The following SLC26A4 variants were observed in gnomAD, a reference collection of about 807,000 sequenced individuals.
The protein encoded by SLC26A4 is solute carrier family 26 member 4.
SLC26A4 carries 93 observed loss-of-function variants against 90.4 expected under a neutral mutation model. The ratio of observed to expected loss-of-function variants is 1.03; its 90% CI spans 0.87 to 1.22. The LOEUF is 1.22. Ranked by LOEUF, SLC26A4 falls within the 50% of genes most tolerant of loss-of-function variation. The pLI is 0.00. For synonymous variants in SLC26A4, 393 were observed against 354.6 expected (o/e 1.11, Z -1.22); for missense variants, 1,127 against 946.2 (o/e 1.19, Z -2.51).
At chr7:107,669,779 A>G (rs1790815073) in intron 3 of SLC26A4, among the ~76,000 whole-genome samples, 3 of 152,230 alleles carry the variant, frequency 2.0e-5, no homozygotes, top group Admixed American at 1.3e-4. Context: ...CCTCCACTAC[A>G]AACTAGAAGT....
At chr7:107,664,589 G>A (rs1790658625) in intron 3 of SLC26A4, among the ~76,000 whole-genome samples, 1 of 152,178 alleles carries the variant, frequency 6.6e-6, no homozygotes, top group African/African-American at 2.4e-5. Context: ...AGTGAAGGGA[G>A]CTTCCTAGCC....
rs1460795967 is a variant in SLC26A4 at position 107,694,666 on chromosome 7, A to G, written c.1387A>G (p.Met463Val). Residue 463 changes from methionine to valine, a missense_variant, in exon 12 of 21, where the codon ATG becomes GTG. By Grantham distance (21) the Met-to-Val change is conservative. Transcript: ENST00000644269. ...AATTGCCAACCTGAAAGGGATGTTTATGCAGCTGTGTGACATTCCTCGTCT... is the reference window on the plus strand; with the variant it reads ...AATTGCCAACCTGAAAGGGATGTTTGTGCAGCTGTGTGACATTCCTCGTCT... ...VVIANLKGMFMQLCDIPRLWR... is the reference protein window; with the variant it reads ...VVIANLKGMFVQLCDIPRLWR... 1 of 1,613,794 alleles carries G rather than the reference A, an allele frequency of 6.2e-7. No homozygotes were observed. The highest frequency in any genetic ancestry group is 2.2e-5 in the East Asian group (1 of 44,886).
chr7:107,715,831 C>T lies in SLC26A4; in HGVS notation c.*385C>T, dbSNP rs896373629. 1 of 253,584 alleles carries T rather than the reference C, an allele frequency of 3.9e-6. No individual in the cohort carries two copies. The highest frequency in any genetic ancestry group is 2.2e-5 in the African/African-American group (1 of 45,956). 15.7% of individuals were successfully genotyped at this position (253,584 alleles called of 1,614,324 possible). On this transcript the variant is annotated 3_prime_UTR_variant, in exon 21 of 21. Transcript: ENST00000644269. ...ATCATAAAGAAAAATCAGTTTTTGA[C>T]TGACCTGGATATCCATGAGCTGCAC...
chr7:107,671,766 C>T (rs922211193), intron 3 of SLC26A4, among the ~76,000 whole-genome samples: 3 of 152,162 alleles, frequency 2.0e-5, no homozygotes, highest in African/African-American at 7.2e-5. Flanking sequence ...ATCCTAATAA[C>T]CCATTGCAAG....
At chr7:107,703,646 C>T (rs1033241963) in intron 17 of SLC26A4, among the ~76,000 whole-genome samples, 9 of 152,104 alleles carry the variant, frequency 5.9e-5, no homozygotes, top group South Asian at 2.1e-4. Flanking sequence ...TCCCACACAA[C>T]GAATATTTAC....
chr7:107,678,640 A>G (rs1173215261), intron 6 of SLC26A4, among the ~76,000 whole-genome samples: 1 of 152,180 alleles, frequency 6.6e-6, no homozygotes, highest in Non-Finnish European at 1.5e-5. Flanking sequence ...TTTAGCATAC[A>G]GCATAGAATT....
chr7:107,696,141 A>G, intron 13 of SLC26A4, 102 bp downstream of exon 13: 1 of 791,654 alleles, frequency 1.3e-6, no homozygotes, highest in Non-Finnish European at 2.3e-6. Flanking sequence ...CTTTCGTTAT[A>G]GTTACTGTAT....
intron 19 of SLC26A4, 46 bp downstream of exon 19, chr7:107,710,245 T>A: frequency 7.3e-7 from 1 of 1,370,272 alleles, no homozygotes; most frequent in Non-Finnish European, 1.0e-6. Flanking sequence ...TAAACTATCA[T>A]GATTTCTATA....
Position 107,698,608 on chromosome 7 carries a change from C to T in SLC26A4, c.1614+497C>T, listed in dbSNP as rs113104316. ...TTGGGATTACAGGCGTGAGCCACTG[C>T]ACCTGGCTAGCTGAATGTCATTTTA... On this transcript the variant is annotated intron_variant, in intron 14 of 20. Transcript: ENST00000644269. Among the ~76,000 whole-genome samples the T allele has an allele frequency of 7.2e-5, 11 of 152,120 alleles. No homozygotes were observed. The South Asian group carries it at 2.1e-3, about 29-fold the overall frequency.
chr7:107,675,269 G>A (rs1308960431), intron 6 of SLC26A4, among the ~76,000 whole-genome samples, 160 bp downstream of exon 6: 3 of 134,000 alleles, frequency 2.2e-5, no homozygotes, highest in Admixed American at 8.2e-5. Context: ...AGTTTGAGAC[G>A]TGAGACCTCA....
chr7:107,701,453 A>G (rs1467855778), intron 16 of SLC26A4, among the ~76,000 whole-genome samples: 2 of 152,224 alleles, frequency 1.3e-5, no homozygotes, highest in Non-Finnish European at 2.9e-5. Context: ...ATTATTTTCT[A>G]TACTTTATTT....
intron 3 of SLC26A4, among the ~76,000 whole-genome samples, chr7:107,670,974 T>C (rs994854062): frequency 3.4e-5 from 5 of 148,948 alleles, no homozygotes; most frequent in African/African-American, 1.3e-4. Context: ...CAGGGTAGAG[T>C]TGTCTTGTCT....
chr7:107,682,269 G>A (rs969676832), intron 6 of SLC26A4, among the ~76,000 whole-genome samples: 8 of 151,744 alleles, frequency 5.3e-5, no homozygotes, highest in Non-Finnish European at 1.0e-4. Context: ...CATGGCACAC[G>A]TATACATATG....
Position 107,663,435 on chromosome 7 carries a change from G to C in SLC26A4, c.304G>C (p.Gly102Arg), listed in dbSNP as rs1219724284. The change falls in exon 3 of 21, where the codon GGG (glycine) becomes CGG (arginine). Residue 102 changes from glycine (G) to arginine (R), a missense_variant and splice_region_variant. Gly to Arg is a moderately radical substitution (Grantham distance 125, BLOSUM62 -2). Transcript: ENST00000644269. ...TACTGGGCTAGTGGCCACGCTGCAA[G>C]GTAAGATGTTGGCAGATTGAGAGTT... Reference protein sequence around the residue: ...VSTGLVATLQGMAYALLAAVP... With the variant: ...VSTGLVATLQRMAYALLAAVP... 6.2e-7 allele frequency: 1 copy of C among 1,614,042 alleles called. No homozygotes were observed. Among genetic ancestry groups the C allele is most frequent in the Non-Finnish European group, 8.5e-7 (1 of 1,179,932 alleles).
intron 14 of SLC26A4, among the ~76,000 whole-genome samples, chr7:107,698,914 T>C (rs988935633): frequency 6.6e-6 from 1 of 152,136 alleles, no homozygotes; most frequent in South Asian, 2.1e-4. Context: ...AATTGCTTAG[T>C]GGTGACTAGG....
In SLC26A4 at chr7:107,690,030, G is replaced by A. The variant is rs1316701887; in HGVS notation, c.1150-94G>A. On this transcript the variant is annotated intron_variant, in intron 9 of 20. Transcript: ENST00000644269. The stretch of plus-strand genomic sequence containing the variant: ...GGACCACCACGCAGAGTAGGCATGG[G>A]AGTTTTCATTCTTAATGTACTTCCT... 4.9e-6 allele frequency: 4 copies of A among 814,580 alleles called. No individual in the cohort carries two copies. The African/African-American group carries it at 5.0e-5, about 10-fold the overall frequency. The allele number at this position is 814,580 out of a possible 1,614,324, so 50.5% of individuals were successfully genotyped here.
rs1226926263 is a variant in SLC26A4 at position 107,710,136 on chromosome 7, T to C, written c.2172T>C (p.Asp724=). The change falls in exon 19 of 21, where the codon GAT becomes GAC. Residue 724 remains aspartate (D), a synonymous_variant. Transcript: ENST00000644269. ...RKDTFFLTVH[D]AILYLQNQVK... Reference sequence around the variant, plus strand: ...ACACATTCTTTTTGACGGTCCATGATGCTATACTCTATCTACAGAACCAAG... The same window carrying C: ...ACACATTCTTTTTGACGGTCCATGACGCTATACTCTATCTACAGAACCAAG... 1 of 1,609,074 alleles carries C rather than the reference T, an allele frequency of 6.2e-7. No individual in the cohort carries two copies. The highest frequency in any genetic ancestry group is 1.1e-5 in the South Asian group (1 of 90,990).
rs1792378909 is a variant in SLC26A4, at chr7:107,717,587, T to A, written c.*2141T>A. The A allele has an allele frequency of 6.6e-6, 1 of 152,628 alleles. No individual in the cohort carries two copies. Among genetic ancestry groups the A allele is most frequent in the Admixed American group, 6.5e-5 (1 of 15,278 alleles). 9.5% of individuals were successfully genotyped at this position (152,628 alleles called of 1,614,324 possible). The stretch of plus-strand genomic sequence containing the variant: ...CTGTCTCTTCTATGTATTTTGTGAA[T>A]AGTAAGCATAATTTTAGTTTTGTAT... On this transcript the variant is annotated 3_prime_UTR_variant, in exon 21 of 21. Transcript: ENST00000644269.
intron 3 of SLC26A4, 117 bp from the exon 4 acceptor site, chr7:107,672,021 A>G: frequency 4.1e-6 from 3 of 724,372 alleles, no homozygotes; most frequent in Non-Finnish European, 5.2e-6. Flanking sequence ...TACTGAATGC[A>G]TATTGCTTTT....
Sources: allele counts gnomAD v4.1 joint callset (sites outside exome capture counted in the v4.1 genomes callset), GRCh38; gene constraint gnomAD v4.1.1; transcripts MANE v1.5; gene names NCBI Gene and HGNC (gene_info 2026-07-23, HGNC 2026-07-21).